Variants in RAD51B observed in about 807,000 individuals in gnomAD.
RAD51B encodes the protein RAD51 paralog B.
A neutral mutation model predicts 42.2 loss-of-function variants in RAD51B; 38 were observed. The ratio of observed to expected loss-of-function variants is 0.90; its 90% CI spans 0.70 to 1.18. The LOEUF (loss-of-function observed/expected upper bound fraction) is 1.18, where lower values mean the gene tolerates loss of function less well. RAD51B is among the 50% of genes most tolerant of loss of function. The pLI is 0.00. For synonymous variants in RAD51B, 154 were observed against 145.2 expected (o/e 1.06, Z -0.43); for missense variants, 373 against 400.7 (o/e 0.93, Z 0.59).
At chr14:67,926,947 A>C (rs1429524647) in intron 7 of RAD51B, among the ~76,000 whole-genome samples, 2 of 152,224 alleles carry the variant, frequency 1.3e-5, no homozygotes, top group Non-Finnish European at 2.9e-5. Context: ...CAGGGATAAT[A>C]GTAAGTATGG....
chr14:68,030,742 C>T (rs1309201909), intron 7 of RAD51B, among the ~76,000 whole-genome samples: 1 of 152,224 alleles, frequency 6.6e-6, no homozygotes, highest in Non-Finnish European at 1.5e-5. Flanking sequence ...GCTTGGCTAA[C>T]TGTTTGGTGC....
At chr14:68,404,800 G>T (rs904553005) in intron 8 of RAD51B, among the ~76,000 whole-genome samples, 1 of 152,122 alleles carries the variant, frequency 6.6e-6, no homozygotes, top group African/African-American at 2.4e-5. Context: ...CCTTGCCCTG[G>T]GTTATCACTG....
chr14:68,648,027 A>ATACG (rs1892600510), intron 10 of RAD51B, among the ~76,000 whole-genome samples: 2 of 103,378 alleles, frequency 1.9e-5, no homozygotes, highest in East Asian at 3.0e-4. Flanking sequence ...ATATACGTAT[A>ATACG]TATATATATA....
At chr14:68,295,844 G>C (rs570074972) in intron 8 of RAD51B, among the ~76,000 whole-genome samples, 1 of 152,286 alleles carries the variant, frequency 6.6e-6, no homozygotes, top group East Asian at 1.9e-4. Flanking sequence ...GTGCACTGCA[G>C]CTGAAATCTA....
chr14:67,929,648 A>C (rs1279028926), intron 7 of RAD51B, among the ~76,000 whole-genome samples: 1 of 152,064 alleles, frequency 6.6e-6, no homozygotes, highest in Admixed American at 6.5e-5. Context: ...TGTCTAGATG[A>C]TCTCTTAAAT....
chr14:68,451,247 T>A (rs1033776598), intron 9 of RAD51B, among the ~76,000 whole-genome samples: 2 of 152,222 alleles, frequency 1.3e-5, no homozygotes, highest in Non-Finnish European at 2.9e-5. Flanking sequence ...AAGTTCTTTC[T>A]GAGATCCTTC....
rs199572687 is a variant in RAD51B, at chr14:68,139,823, G to A, written c.757-152061G>A. On this transcript the variant is annotated intron_variant, in intron 7 of 10. Coordinates refer to ENST00000471583, the MANE Select transcript of RAD51B (RefSeq NM_133510.4). Reference sequence around the variant, plus strand: ...CACAGGCTTTTTGAGTGGGCACTAGGCACCCTCAGATAAGGTTAACCAGAT... The same window carrying A: ...CACAGGCTTTTTGAGTGGGCACTAGACACCCTCAGATAAGGTTAACCAGAT... Among the ~76,000 whole-genome samples the A allele has an allele frequency of 4.6e-5, 7 of 152,316 alleles. No individual in the cohort carries two copies. In the East Asian group the frequency reaches 1.3e-3, roughly 29 times the overall value.
At chr14:68,657,982 TG>T (rs145766516) in intron 11 of RAD51B, among the ~76,000 whole-genome samples, 8,300 of 152,332 alleles carry the variant, frequency 0.054, 748 homozygotes, top group African/African-American at 0.19. Flanking sequence ...AGAACTTACC[TG>T]TCCCACCTGG....
chr14:68,659,463 GGGA>G (rs1892889219), intron 11 of RAD51B, among the ~76,000 whole-genome samples: 1 of 152,188 alleles, frequency 6.6e-6, no homozygotes, highest in South Asian at 2.1e-4. Flanking sequence ...AAGAATGTTG[GGGA>G]GGAGAAGAGG....
At chr14:68,596,185 G>C (rs1323209486), downstream of RAD51B, among the ~76,000 whole-genome samples, 1 of 152,094 alleles carries the variant, frequency 6.6e-6, no homozygotes, top group African/African-American at 2.4e-5. Context: ...AACACCACCA[G>C]GGTGAATTTC....
At chr14:68,053,464 G>A (rs1296859952) in intron 7 of RAD51B, among the ~76,000 whole-genome samples, 1 of 152,122 alleles carries the variant, frequency 6.6e-6, no homozygotes, top group Non-Finnish European at 1.5e-5. Flanking sequence ...CCATGTTTTT[G>A]GTTGTGAGAA....
chr14:68,432,425 C>G (rs916902450), intron 9 of RAD51B, among the ~76,000 whole-genome samples: 2 of 152,176 alleles, frequency 1.3e-5, no homozygotes, highest in African/African-American at 2.4e-5. Flanking sequence ...CTTTATGAAT[C>G]TGGGTGCTCC....
intron 10 of RAD51B, among the ~76,000 whole-genome samples, chr14:68,646,843 C>T (rs1421439742): frequency 6.6e-6 from 1 of 152,188 alleles, no homozygotes; most frequent in African/African-American, 2.4e-5. Flanking sequence ...TTCACAATGA[C>T]TTGTGATGAT....
At chr14:68,254,557 C>T (rs554818393) in intron 7 of RAD51B, among the ~76,000 whole-genome samples, 5 of 152,290 alleles carry the variant, frequency 3.3e-5, no homozygotes, top group Non-Finnish European at 5.9e-5. Context: ...ATTCTTTATA[C>T]GCATCACTAC....
At chr14:68,523,233 G>A (rs1886701231) in intron 10 of RAD51B, among the ~76,000 whole-genome samples, 1 of 152,180 alleles carries the variant, frequency 6.6e-6, no homozygotes, top group Admixed American at 6.5e-5. Flanking sequence ...TGAGGGCAGA[G>A]GAGAGCAAGT....
chr14:68,660,027 T>C (rs7141529), intron 11 of RAD51B, among the ~76,000 whole-genome samples: 81,029 of 152,066 alleles, frequency 0.53, 21,886 homozygotes, highest in East Asian at 0.81. Flanking sequence ...TTGATGTCAG[T>C]AGCTTTTAAA....
chr14:67,838,781 A>G (rs1403147777), intron 4 of RAD51B, among the ~76,000 whole-genome samples: 1 of 148,850 alleles, frequency 6.7e-6, no homozygotes, highest in African/African-American at 2.5e-5. Context: ...CTGTAAGTTT[A>G]AAATTATTTC....
chr14:68,574,995 G>A (rs1889897950), intron 10 of RAD51B, among the ~76,000 whole-genome samples: 1 of 152,178 alleles, frequency 6.6e-6, no homozygotes, highest in Non-Finnish European at 1.5e-5. Context: ...GCACGCCATT[G>A]ACTGGTTTTC....
chr14:67,888,466 C>T (rs1267197636), intron 7 of RAD51B, among the ~76,000 whole-genome samples: 1 of 151,896 alleles, frequency 6.6e-6, no homozygotes, highest in African/African-American at 2.4e-5. Context: ...GGTAGTGTGC[C>T]CCTGCAGTCT....
Sources: allele counts gnomAD v4.1 joint callset (sites outside exome capture counted in the v4.1 genomes callset), GRCh38; gene constraint gnomAD v4.1.1; transcripts MANE v1.5; gene names NCBI Gene and HGNC (gene_info 2026-07-23, HGNC 2026-07-21).